The following DCDC2 variants were observed in gnomAD, a reference collection of about 807,000 sequenced individuals.
DCDC2 encodes doublecortin domain containing 2, also known as doublecortin domain-containing protein 2.
DCDC2 carries 40 observed loss-of-function variants against 50.2 expected under a neutral mutation model. That is an observed-to-expected ratio of 0.80 (90% confidence interval 0.62 to 1.04). The LOEUF is 1.04. DCDC2 is among the 50% of genes least tolerant of loss of function. The pLI is 0.00. For synonymous variants in DCDC2, 234 were observed against 210.6 expected, an observed-to-expected ratio of 1.11 and a Z score of -0.96; for missense variants, 570 against 581.9, an observed-to-expected ratio of 0.98 and a Z score of 0.21.
intron 6 of DCDC2, among the ~76,000 whole-genome samples, chr6:24,285,469 T>A (rs892191378): frequency 6.6e-6 from 1 of 152,210 alleles, no homozygotes; most frequent in African/African-American, 2.4e-5. Flanking sequence ...ATGGAATCGC[T>A]TGTTTCACTT....
chr6:24,359,114 A>ATTTTATATATTATATATT (rs1340585631), upstream of DCDC2, among the ~76,000 whole-genome samples: 709 of 56,324 alleles, frequency 0.013, 18 homozygotes, highest in African/African-American at 0.05. Context: ...TATATTATAT[A>ATTTTATATATTATATATT]TTATATATAT....
intron 7 of DCDC2, 96 bp from the exon 8 acceptor site, chr6:24,205,198 ATTTGGATTCCC>A: frequency 6.2e-7 from 1 of 1,613,796 alleles, no homozygotes; most frequent in Non-Finnish European, 8.5e-7. Flanking sequence ...TTTAATAGAC[ATTTGGATTCCC>A]TTTTTAGTTG....
chr6:24,229,884 T>TCCCACCACTGGC (rs1017810734), intron 7 of DCDC2, among the ~76,000 whole-genome samples: 5 of 151,542 alleles, frequency 3.3e-5, no homozygotes, highest in African/African-American at 1.2e-4. Flanking sequence ...TATCCCAAAC[T>TCCCACCACTGGC]CCCACCACTG....
In DCDC2 at chr6:24,232,781, A is replaced by G. The variant is rs148646678; in HGVS notation, c.923-27679T>C. On this transcript the variant is annotated intron_variant, in intron 7 of 9. Transcript: ENST00000378454. ...GTGCCTTCCAGAAGGTCAGTGCTCA[A>G]TAAATAATGGATAAAGGTGAGTGAA... Among the ~76,000 whole-genome samples the G allele has an allele frequency of 1.7e-3, 257 of 152,304 alleles. 1 individual carries two copies. The highest frequency in any genetic ancestry group is 5.7e-3 in the African/African-American group (237 of 41,566).
chr6:24,200,576 G>A lies in DCDC2; in HGVS notation c.1023+4426C>T, dbSNP rs751454347. Among the ~76,000 whole-genome samples the A allele has an allele frequency of 1.8e-4, 27 of 151,912 alleles. 1 individual carries two copies. The highest frequency in any genetic ancestry group is 2.7e-4 in the African/African-American group (11 of 41,348). ...AACATACCAAATTGTAAAGACCATCGACACTAAGAAGAAACTAACGGGCAA... is the reference window on the plus strand; with the variant it reads ...AACATACCAAATTGTAAAGACCATCAACACTAAGAAGAAACTAACGGGCAA... On this transcript the variant is annotated intron_variant, in intron 8 of 9. Transcript: ENST00000378454.
At chr6:24,236,451 G>A (rs994752282) in intron 7 of DCDC2, among the ~76,000 whole-genome samples, 2 of 152,140 alleles carry the variant, frequency 1.3e-5, no homozygotes, top group African/African-American at 4.8e-5. Context: ...CCTAGAAGAC[G>A]ACCTAGGAAA....
the DCDC2 span, among the ~76,000 whole-genome samples, chr6:24,363,329 AAAAAAAC>A: frequency 6.6e-6 from 1 of 152,142 alleles, no homozygotes; most frequent in African/African-American, 2.4e-5. Flanking sequence ...CCCCATCTCT[AAAAAAAC>A]AAAAAACTAA....
intron 7 of DCDC2, among the ~76,000 whole-genome samples, chr6:24,220,734 T>C (rs1031218441): frequency 2.6e-5 from 4 of 152,104 alleles, no homozygotes; most frequent in African/African-American, 9.7e-5. Context: ...ACTAGGTAAT[T>C]TATAAAGAAG....
At chr6:24,305,444 A>G (rs2113840927) in intron 2 of DCDC2, among the ~76,000 whole-genome samples, 1 of 152,354 alleles carries the variant, frequency 6.6e-6, no homozygotes, top group African/African-American at 2.4e-5. Flanking sequence ...AGAAACAAAA[A>G]GATAATTATA....
intron 6 of DCDC2, among the ~76,000 whole-genome samples, chr6:24,281,487 G>GAAAAAA (rs59842458): frequency 3.3e-4 from 28 of 83,786 alleles, no homozygotes; most frequent in South Asian, 4.6e-4. Context: ...ATGCTTTTAA[G>GAAAAAA]AAAAAAAAAA....
At chr6:24,207,701 T>C (rs560148749) in intron 7 of DCDC2, among the ~76,000 whole-genome samples, 3 of 152,284 alleles carry the variant, frequency 2.0e-5, no homozygotes, top group Non-Finnish European at 2.9e-5. Flanking sequence ...AGAATAAGCA[T>C]GGTGCACTGC....
At chr6:24,237,468 G>C (rs1043586763) in intron 7 of DCDC2, among the ~76,000 whole-genome samples, 1 of 152,220 alleles carries the variant, frequency 6.6e-6, no homozygotes, top group Non-Finnish European at 1.5e-5. Flanking sequence ...TACGCTGTTG[G>C]TGGGAATGTA....
intron 7 of DCDC2, among the ~76,000 whole-genome samples, chr6:24,260,543 A>C (rs1255227198): frequency 1.3e-5 from 2 of 152,240 alleles, no homozygotes; most frequent in African/African-American, 4.8e-5. Flanking sequence ...TAATTTCTAA[A>C]AATTAAACAG....
At chr6:24,312,480 T>G (rs192896395) in intron 2 of DCDC2, among the ~76,000 whole-genome samples, 1 of 152,252 alleles carries the variant, frequency 6.6e-6, no homozygotes. Flanking sequence ...TAAATTCCAA[T>G]TGCACTAACC....
At chr6:24,276,995 T>A (rs1479711341) in intron 7 of DCDC2, among the ~76,000 whole-genome samples, 1 of 152,178 alleles carries the variant, frequency 6.6e-6, no homozygotes, top group African/African-American at 2.4e-5. Flanking sequence ...TCTGTGCAAC[T>A]GGTTCACCCA....
At position 24,172,361 on chromosome 6, in the gene DCDC2, T is replaced by A. The variant is rs1760797779; in HGVS notation, c.*2369A>T. The A allele has an allele frequency of 6.6e-6, 1 of 152,082 alleles. No homozygotes were observed. Among genetic ancestry groups the A allele is most frequent in the Non-Finnish European group, 1.5e-5 (1 of 68,030 alleles). The allele number at this position is 152,082 out of a possible 1,614,324, so 9.4% of individuals were successfully genotyped here. ...GGATGAATATGTCCCCATTTTTAAGTTTTTTTGGTACAGTTATTGTGGCTT... is the reference window on the plus strand; with the variant it reads ...GGATGAATATGTCCCCATTTTTAAGATTTTTTGGTACAGTTATTGTGGCTT... On this transcript the variant is annotated 3_prime_UTR_variant, in exon 10 of 10. Coordinates refer to ENST00000378454, the MANE Select transcript of DCDC2 (RefSeq NM_016356.5).
chr6:24,358,914 ATATATATTATATATTATATATTT>A (rs1760557882), upstream of DCDC2, among the ~76,000 whole-genome samples: 2 of 35,976 alleles, frequency 5.6e-5, no homozygotes, highest in Non-Finnish European at 8.9e-5. Flanking sequence ...ATTATATATT[ATATATATTATATATTATATATTT>A]TATATATTAT....
the DCDC2 span, among the ~76,000 whole-genome samples, chr6:24,378,433 C>A: frequency 1.3e-5 from 2 of 152,148 alleles, no homozygotes; most frequent in African/African-American, 4.8e-5. Context: ...ACCTCTGTCC[C>A]TTCTGCTGGG....
chr6:24,255,491 C>A (rs1488045571), intron 7 of DCDC2, among the ~76,000 whole-genome samples: 3 of 151,840 alleles, frequency 2.0e-5, no homozygotes, highest in African/African-American at 7.3e-5. Flanking sequence ...ACAAAAAAGT[C>A]ATTCAGAAAG....
Sources: allele counts gnomAD v4.1 joint callset (sites outside exome capture counted in the v4.1 genomes callset), GRCh38; gene constraint gnomAD v4.1.1; transcripts MANE v1.5; gene names NCBI Gene and HGNC (gene_info 2026-07-23, HGNC 2026-07-21).